NEXN: variants seen among roughly 807,000 people sequenced by gnomAD.
NEXN encodes nexilin.
Under a neutral mutation model 92.6 loss-of-function variants are expected in NEXN, and 65 were observed. The ratio of observed to expected loss-of-function variants is 0.70; its 90% CI spans 0.57 to 0.86. The LOEUF is 0.86. Ranked by LOEUF, NEXN falls within the 40% of genes least tolerant of loss-of-function variation. The probability of loss-of-function intolerance (pLI) is 0.00; values close to 1 mark genes in which losing one functional copy is unlikely to be tolerated. For synonymous variants in NEXN, 254 were observed against 242.5 expected (o/e 1.05, Z -0.44); for missense variants, 778 against 771.1 (o/e 1.01, Z -0.11).
At chr1:77,925,623 T>G (rs1019181354) in intron 6 of NEXN, among the ~76,000 whole-genome samples, 1 of 152,178 alleles carries the variant, frequency 6.6e-6, no homozygotes, top group Non-Finnish European at 1.5e-5. Context: ...GTTTTGGTTT[T>G]TATATAATAG....
chr1:77,889,027 C>G (rs1647040466), intron 1 of NEXN: 1 of 152,924 alleles, frequency 6.5e-6, no homozygotes, highest in Non-Finnish European at 1.5e-5. Flanking sequence ...CTGAAAGTGT[C>G]GGCCGGCCTT....
rs9660322 is a variant in NEXN, at chr1:77,929,455, G to A, written c.1004G>A (p.Arg335Lys). The change falls in exon 9 of 13, where the codon AGG (arginine) becomes AAG (lysine). Residue 335 changes from arginine (R) to lysine (K), a missense_variant. By Grantham distance (26) the Arg-to-Lys change is conservative (BLOSUM62 2). Transcript: ENST00000334785. ...AGGAAAGCAGAAGAAGAAGCCAGAAGGAGAATAGAGGAAGAAAAGAAGGCG... is the reference window on the plus strand; with the variant it reads ...AGGAAAGCAGAAGAAGAAGCCAGAAAGAGAATAGAGGAAGAAAAGAAGGCG... ...EKRKAEEEAR[R>K]RIEEEKKAFA... is the part of the protein sequence containing the mutation. 1 of 1,612,842 alleles carries A rather than the reference G, an allele frequency of 6.2e-7. No homozygotes were observed. Among genetic ancestry groups the A allele is most frequent in the Non-Finnish European group, 8.5e-7 (1 of 1,179,198 alleles).
At chr1:77,938,230 A>G (rs114614710) in intron 11 of NEXN, among the ~76,000 whole-genome samples, 4,131 of 152,300 alleles carry the variant, frequency 0.027, 98 homozygotes, top group South Asian at 0.11. Flanking sequence ...TTGTAGATAA[A>G]CCTTTTCATC....
At chr1:77,924,206 A>G (rs1318977661) in intron 5 of NEXN, 1 of 172,724 alleles carries the variant, frequency 5.8e-6, no homozygotes, top group Non-Finnish European at 1.3e-5. Context: ...TACTAAAAAT[A>G]CAGAAATTAG....
chr1:77,937,967 G>C (rs551685892), intron 11 of NEXN, among the ~76,000 whole-genome samples: 20 of 152,274 alleles, frequency 1.3e-4, no homozygotes, highest in African/African-American at 4.3e-4. Flanking sequence ...ATTTGAACTA[G>C]GTCTGGTATG....
At chr1:77,941,235 C>T (rs1483829643) in intron 11 of NEXN, among the ~76,000 whole-genome samples, 1 of 99,470 alleles carries the variant, frequency 1.0e-5, no homozygotes, top group Non-Finnish European at 2.0e-5. Context: ...TAGTTAGAAA[C>T]CAAAAGTCAA....
chr1:77,934,530 T>C (rs1416008245), intron 10 of NEXN, among the ~76,000 whole-genome samples: 2 of 152,238 alleles, frequency 1.3e-5, no homozygotes, highest in Non-Finnish European at 2.9e-5. Context: ...ATGCCCTATA[T>C]AGGAGCTTTT....
chr1:77,943,164 A>G lies in NEXN; in HGVS notation c.*335A>G, dbSNP rs555589478. ...ACTTATGGGGGGGAATTACTCAATT[A>G]TTCTATCAGAACCTATTATAAAGAC... On this transcript the variant is annotated 3_prime_UTR_variant, in exon 13 of 13. Transcript: ENST00000334785. 2.9e-6 allele frequency: 1 copy of G among 343,110 alleles called. No homozygotes were observed. The highest frequency in any genetic ancestry group is 5.7e-6 in the Non-Finnish European group (1 of 176,228). The allele number at this position is 343,110 out of a possible 1,614,324, so 21.3% of individuals were successfully genotyped here. A position where few individuals can be genotyped will look rare whatever the true frequency, so the allele number is the denominator to read the frequency against.
At chr1:77,899,866 T>A (rs1647556420) in intron 1 of NEXN, among the ~76,000 whole-genome samples, 4 of 152,132 alleles carry the variant, frequency 2.6e-5, no homozygotes, top group Admixed American at 2.6e-4. Context: ...CAGCTTTTCA[T>A]TCCTAATGCT....
At chr1:77,915,947 T>C (rs1193134044) in intron 1 of NEXN, 108 bp from the exon 2 acceptor site, 1 of 275,736 alleles carries the variant, frequency 3.6e-6, no homozygotes, top group Non-Finnish European at 6.7e-6. Context: ...CTTGCTTGAA[T>C]CATGTCAGTA....
At chr1:77,892,423 T>C (rs1297485971) in intron 1 of NEXN, among the ~76,000 whole-genome samples, 1 of 152,220 alleles carries the variant, frequency 6.6e-6, no homozygotes, top group Non-Finnish European at 1.5e-5. Context: ...TGCTCTGCAT[T>C]TGACATAGTC....
chr1:77,927,127 G>A (rs1194715361), intron 8 of NEXN, among the ~76,000 whole-genome samples: 2 of 151,978 alleles, frequency 1.3e-5, no homozygotes, highest in East Asian at 3.9e-4. Flanking sequence ...TTTGAAACCA[G>A]CCTGGCCAAC....
chr1:77,935,050 A>T (rs1177339432), intron 10 of NEXN, among the ~76,000 whole-genome samples: 1 of 151,858 alleles, frequency 6.6e-6, no homozygotes, highest in Non-Finnish European at 1.5e-5. Context: ...AACTCATATG[A>T]CTCCTAGTCC....
At chr1:77,893,323 G>A (rs1647150189) in intron 1 of NEXN, among the ~76,000 whole-genome samples, 1 of 152,034 alleles carries the variant, frequency 6.6e-6, no homozygotes, top group African/African-American at 2.4e-5. Flanking sequence ...CCTATTCCCA[G>A]CTGTGTCCTT....
At chr1:77,938,934 G>GA (rs1651022111) in intron 11 of NEXN, among the ~76,000 whole-genome samples, 1 of 152,174 alleles carries the variant, frequency 6.6e-6, no homozygotes, top group South Asian at 2.1e-4. Flanking sequence ...GCTAGTTAAT[G>GA]AAAGTCTTTT....
intron 9 of NEXN, 149 bp from the exon 10 acceptor site, chr1:77,933,133 C>T (rs1323897114): frequency 5.2e-6 from 3 of 577,388 alleles, no homozygotes; most frequent in Non-Finnish European, 9.3e-6. Context: ...TGCACTCCAG[C>T]CTGGGCAATA....
intron 6 of NEXN, 74 bp from the exon 7 acceptor site, chr1:77,926,340 T>C: frequency 1.1e-6 from 1 of 945,940 alleles, no homozygotes. Context: ...AATTCACCTA[T>C]GATGGAGGTA....
In NEXN at chr1:77,926,821, C is replaced by T. The variant is rs761106568; in HGVS notation, c.793C>T (p.Gln265Ter). 1 of 1,613,702 alleles carries T rather than the reference C, an allele frequency of 6.2e-7. No individual in the cohort carries two copies. Among genetic ancestry groups the T allele is most frequent in the Admixed American group, 1.7e-5 (1 of 59,968 alleles). ...ACAAAGACAAGAAAACCGAAAGAAG[C>T]AAGCTGAAGAGGAAGCAAGAAAACG... Reference protein sequence around the residue: ...ERQRQENRKKQAEEEARKRLE... With the variant: ...ERQRQENRKK The change falls in exon 8 of 13, where the codon CAA becomes TAA. Residue 265 changes from glutamine (Q) to a stop codon, truncating the protein, a stop_gained. Transcript: ENST00000334785. LOFTEE classifies it high-confidence loss of function.
chr1:77,902,673 C>T (rs1436969840), intron 1 of NEXN, among the ~76,000 whole-genome samples: 1 of 152,084 alleles, frequency 6.6e-6, no homozygotes, highest in Non-Finnish European at 1.5e-5. Context: ...TTGTATTAGT[C>T]TCTTTCAGTT....
Sources: allele counts gnomAD v4.1 joint callset (sites outside exome capture counted in the v4.1 genomes callset), GRCh38; gene constraint gnomAD v4.1.1; transcripts MANE v1.5; gene names NCBI Gene and HGNC (gene_info 2026-07-23, HGNC 2026-07-21).